Variants in PLAGL2 observed in about 807,000 individuals in gnomAD.
The protein encoded by PLAGL2 is PLAG1 like zinc finger 2.
PLAGL2 carries 7 observed loss-of-function variants against 29.0 expected under a neutral mutation model. That is an observed-to-expected ratio of 0.24 (90% CI 0.14 to 0.45). The LOEUF (loss-of-function observed/expected upper bound fraction) is 0.45, where lower values mean the gene tolerates loss of function less well. Among genes scored for constraint, PLAGL2 ranks in the 20% least tolerant of loss-of-function variants. The pLI, the probability that PLAGL2 is intolerant of heterozygous loss-of-function variation, is 0.99. For synonymous variants in PLAGL2, 234 were observed against 266.0 expected (o/e 0.88, Z 1.17); for missense variants, 454 against 648.2 (o/e 0.70, Z 3.25).
chr20:32,197,765 T>A lies in PLAGL2; in HGVS notation c.261-83A>T. ...TGACTGGACAACCAAAGGTGTCCAT[T>A]AACAGGAAACTAGATATAAAAACCA... On this transcript the variant is annotated intron_variant, in intron 2 of 2. Transcript: ENST00000246229. This position sits in a 1 kb window ranked among gnomAD's most constrained non-coding sequence, Gnocchi z 6.6. 1 of 1,156,550 alleles carries A rather than the reference T, an allele frequency of 8.6e-7. No individual in the cohort carries two copies. Among genetic ancestry groups the A allele is most frequent in the Non-Finnish European group, 1.2e-6 (1 of 804,294 alleles). 71.6% of individuals were successfully genotyped at this position (1,156,550 alleles called of 1,614,324 possible).
chr20:32,197,354 C>T lies in PLAGL2; in HGVS notation c.589G>A (p.Asp197Asn), dbSNP rs1377540386. The T allele has an allele frequency of 1.9e-6, 3 of 1,604,930 alleles. No individual in the cohort carries two copies. The highest frequency in any genetic ancestry group is 1.3e-5 in the African/African-American group (1 of 74,752). ...KEKKHPCDHCDRRFYTRKDVR... is the reference protein window; with the variant it reads ...KEKKHPCDHCNRRFYTRKDVR... ...TCCTTACGAGTATAGAACCGCCGGT[C>T]GCAGTGGTCACAGGGGTGCTTCTTC... is the stretch of plus-strand genomic sequence containing the variant. The change falls in exon 3 of 3, where the codon GAC becomes AAC. Residue 197 changes from aspartate to asparagine, a missense_variant. Physicochemically the swap from Asp to Asn is conservative, Grantham distance 23. This residue lies in a region of PLAGL2 where 111 missense variants were observed against 173.1 expected (regional missense o/e 0.64). Coordinates refer to ENST00000246229, the MANE Select transcript of PLAGL2 (RefSeq NM_002657.3). This position sits in a 1 kb window ranked among gnomAD's most constrained non-coding sequence, Gnocchi z 6.6.
Position 32,196,868 on chromosome 20 carries a change from C to A in PLAGL2, c.1075G>T (p.Val359Leu). The A allele has an allele frequency of 6.2e-7, 1 of 1,614,218 alleles. No individual in the cohort carries two copies. The change falls in exon 3 of 3, where the codon GTG (valine) becomes TTG (leucine). Residue 359 changes from valine (V) to leucine (L), a missense_variant. Coordinates refer to ENST00000246229, the MANE Select transcript of PLAGL2 (RefSeq NM_002657.3). ...YLPDKLPKVE[V>L]DSFLAELPGS... is the part of the protein sequence containing the mutation. ...GGAAGCTCCGCCAGAAAACTATCCACCTCCACTTTGGGCAATTTGTCGGGC... is the reference window on the plus strand; with the variant it reads ...GGAAGCTCCGCCAGAAAACTATCCAACTCCACTTTGGGCAATTTGTCGGGC...
chr20:32,207,077 T>C (rs1237286588), intron 1 of PLAGL2, among the ~76,000 whole-genome samples: 1 of 152,122 alleles, frequency 6.6e-6, no homozygotes, highest in Non-Finnish European at 1.5e-5. Flanking sequence ...GTCGAAAGCC[T>C]GGGAGTATGG....
At position 32,196,769 on chromosome 20, in the gene PLAGL2, C is replaced by A; in HGVS notation, c.1174G>T (p.Asp392Tyr). 1 of 1,604,674 alleles carries A rather than the reference C, an allele frequency of 6.2e-7. No homozygotes were observed. Among genetic ancestry groups the A allele is most frequent in the Non-Finnish European group, 8.5e-7 (1 of 1,174,880 alleles). ...GGGCTCTTGGCAAGCAGTGCTTCAT[C>A]TAGGAGGGCCGCAGCTGCCGCCGGC... ...PQPAAAAALL[D>Y]EALLAKSPAN... The change falls in exon 3 of 3, where the codon GAT becomes TAT. Residue 392 changes from aspartate to tyrosine, a missense_variant. Around this residue, in one of 4 missense-constraint regions of PLAGL2, gnomAD observed 247 missense variants for 350.3 expected, o/e 0.71. Transcript: ENST00000246229.
intron 2 of PLAGL2, among the ~76,000 whole-genome samples, chr20:32,199,027 A>G (rs1243017974): frequency 2.0e-5 from 3 of 152,222 alleles, no homozygotes; most frequent in African/African-American, 7.2e-5. Context: ...GCTCCAGAGC[A>G]TATTCAGAAT....
Position 32,197,452 on chromosome 20 carries a change from G to C in PLAGL2, c.491C>G (p.Thr164Ser). Residue 164 changes from threonine to serine, a missense_variant, in exon 3 of 3, where the codon ACC (threonine) becomes AGC (serine). Around this residue, in one of 4 missense-constraint regions of PLAGL2, gnomAD observed 111 missense variants for 173.1 expected, o/e 0.64. Transcript: ENST00000246229. This position sits in a 1 kb window ranked among gnomAD's most constrained non-coding sequence, Gnocchi z 6.6. ...TAGCAGGGCCTGGGTACTCTCAAAGGTCTGCAGGCACACCTTGCAGCTGAG... is the reference window on the plus strand; with the variant it reads ...TAGCAGGGCCTGGGTACTCTCAAAGCTCTGCAGGCACACCTTGCAGCTGAG... ...GDLSCKVCLQTFESTQALLEH... is the reference protein window; with the variant it reads ...GDLSCKVCLQSFESTQALLEH... The C allele has an allele frequency of 3.1e-6, 5 of 1,612,966 alleles. No homozygotes were observed. Among genetic ancestry groups the C allele is most frequent in the Non-Finnish European group, 4.2e-6 (5 of 1,180,012 alleles).
intron 1 of PLAGL2, among the ~76,000 whole-genome samples, 179 bp from the exon 2 acceptor site, chr20:32,202,471 A>T (rs2047265038): frequency 6.6e-6 from 1 of 152,226 alleles, no homozygotes; most frequent in African/African-American, 2.4e-5. Flanking sequence ...TAATCTCCTA[A>T]ATTATAAAAA....
intron 2 of PLAGL2, 117 bp downstream of exon 2, chr20:32,201,802 A>G: frequency 1.3e-6 from 1 of 786,138 alleles, no homozygotes; most frequent in South Asian, 1.8e-5. Context: ...GTATACTTGT[A>G]GGACAAATTA....
intron 2 of PLAGL2, among the ~76,000 whole-genome samples, chr20:32,201,054 G>A (rs2047256881): frequency 6.6e-6 from 1 of 152,196 alleles, no homozygotes; most frequent in Non-Finnish European, 1.5e-5. Context: ...GGGCAACAGG[G>A]AGACAGACAT....
Position 32,197,669 on chromosome 20 carries a change from G to T in PLAGL2, c.274C>A (p.His92Asn). Residue 92 changes from histidine to asparagine, a missense_variant, in exon 3 of 3, where the codon CAC (histidine) becomes AAC (asparagine). By Grantham distance (68) the His-to-Asn change is moderately conservative. Around this residue, in one of 4 missense-constraint regions of PLAGL2, gnomAD observed 111 missense variants for 173.1 expected, o/e 0.64. Coordinates refer to ENST00000246229, the MANE Select transcript of PLAGL2 (RefSeq NM_002657.3). The surrounding 1 kb of genome is among the most constrained non-coding windows in gnomAD (Gnocchi z 6.6). ...KYKLYRHMAT[H>N]SAQKPHQCMY... is the part of the protein sequence containing the mutation. ...CACTGGTGGGGTTTCTGGGCTGAGT[G>T]GGTGGCCATGTGCCTGGGGGTAGAG... 1 of 1,613,392 alleles carries T rather than the reference G, an allele frequency of 6.2e-7. No individual in the cohort carries two copies. The highest frequency in any genetic ancestry group is 8.5e-7 in the Non-Finnish European group (1 of 1,179,370).
Position 32,197,415 on chromosome 20 carries a change from C to T in PLAGL2, c.528G>A (p.Lys176=). 6.2e-7 allele frequency: 1 copy of T among 1,612,324 alleles called. No individual in the cohort carries two copies. The highest frequency in any genetic ancestry group is 8.5e-7 in the Non-Finnish European group (1 of 1,179,910). The stretch of plus-strand genomic sequence containing the variant: ...CGCCTGCTACCCGGCGTGAGTGGGC[C>T]TTCAGGTGCTCTAGCAGGGCCTGGG... ...ESTQALLEHL[K]AHSRRVAGGA... Residue 176 remains lysine (K), a synonymous_variant, in exon 3 of 3, where the codon AAG becomes AAA. Coordinates refer to ENST00000246229, the MANE Select transcript of PLAGL2 (RefSeq NM_002657.3). The surrounding 1 kb of genome is among the most constrained non-coding windows in gnomAD (Gnocchi z 6.6).
rs2047227739 is a variant in PLAGL2 at position 32,196,340 on chromosome 20, T to G, written c.*112A>C. 1 of 789,714 alleles carries G rather than the reference T, an allele frequency of 1.3e-6. No individual in the cohort carries two copies. The highest frequency in any genetic ancestry group is 1.9e-6 in the Non-Finnish European group (1 of 539,592). 48.9% of individuals were successfully genotyped at this position (789,714 alleles called of 1,614,324 possible). A position where few individuals can be genotyped will look rare whatever the true frequency, so the allele number is the denominator to read the frequency against. ...TCCTGTATACAGACACTGGAATTTTTTTTTTTGAACCCAGCTCTGAAAGCT... is the reference window on the plus strand; with the variant it reads ...TCCTGTATACAGACACTGGAATTTTGTTTTTTGAACCCAGCTCTGAAAGCT... On this transcript the variant is annotated 3_prime_UTR_variant, in exon 3 of 3. Transcript: ENST00000246229.
rs1313662997 is a variant in PLAGL2 at position 32,196,856 on chromosome 20, G to A, written c.1087C>T (p.Leu363=). Residue 363 remains leucine, a synonymous_variant, in exon 3 of 3, where the codon CTG becomes TTG. Coordinates refer to ENST00000246229, the MANE Select transcript of PLAGL2 (RefSeq NM_002657.3). ...GACAGGCTTCCAGGAAGCTCCGCCA[G>A]AAAACTATCCACCTCCACTTTGGGC... ...KLPKVEVDSF[L]AELPGSLSLS... 6.2e-7 allele frequency: 1 copy of A among 1,614,140 alleles called. No individual in the cohort carries two copies. Among genetic ancestry groups the A allele is most frequent in the East Asian group, 2.2e-5 (1 of 44,884 alleles).
In PLAGL2 at chr20:32,197,579, G is replaced by A. The variant is rs1443944960; in HGVS notation, c.364C>T (p.Pro122Ser). 11 of 1,614,060 alleles carry A rather than the reference G, an allele frequency of 6.8e-6. No individual in the cohort carries two copies. Among genetic ancestry groups the A allele is most frequent in the Middle Eastern group, 1.6e-4 (1 of 6,084 alleles). ...HLRNHLQTHD[P>S]NKEALHCSEC... ...GAGCAGTGGAGGGCCTCTTTGTTAG[G>A]ATCATGGGTCTGCAGATGGTTCCGC... Residue 122 changes from proline to serine, a missense_variant, in exon 3 of 3, where the codon CCT becomes TCT. Coordinates refer to ENST00000246229, the MANE Select transcript of PLAGL2 (RefSeq NM_002657.3). The surrounding 1 kb of genome is among the most constrained non-coding windows in gnomAD (Gnocchi z 6.6).
rs201010184 is a variant in PLAGL2, at chr20:32,197,529, C to T, written c.414G>A (p.Thr138=). The T allele has an allele frequency of 5.6e-6, 9 of 1,614,200 alleles. No homozygotes were observed. Among genetic ancestry groups the T allele is most frequent in the Middle Eastern group, 1.7e-4 (1 of 6,048 alleles). ...CCAGGTGGCGCCGGTAGCCCAGCTT[C>T]GTATTGTAATTCTTACCGCACTCAG... The part of the protein sequence containing the change: ...HCSECGKNYN[T]KLGYRRHLAM... Residue 138 remains threonine, a synonymous_variant, in exon 3 of 3, where the codon ACG becomes ACA. Transcript: ENST00000246229. The surrounding 1 kb of genome is among the most constrained non-coding windows in gnomAD (Gnocchi z 6.6).
intron 1 of PLAGL2, 42 bp from the exon 2 acceptor site, chr20:32,202,334 T>G: frequency 3.0e-6 from 2 of 670,256 alleles, no homozygotes; most frequent in Non-Finnish European, 5.1e-6. Flanking sequence ...CCCAATACCA[T>G]GAGAACATGG....
At chr20:32,199,413 G>C (rs2047247377) in intron 2 of PLAGL2, among the ~76,000 whole-genome samples, 1 of 152,206 alleles carries the variant, frequency 6.6e-6, no homozygotes, top group Non-Finnish European at 1.5e-5. Flanking sequence ...TGAGGAAACT[G>C]AGGCCCAAAG....
At chr20:32,205,024 T>C (rs1278355748) in intron 1 of PLAGL2, among the ~76,000 whole-genome samples, 5 of 152,220 alleles carry the variant, frequency 3.3e-5, no homozygotes, top group African/African-American at 9.6e-5. Context: ...TGGGAAACCA[T>C]AGGCAGGTTA....
At chr20:32,200,440 G>A (rs550134769) in intron 2 of PLAGL2, among the ~76,000 whole-genome samples, 28 of 151,628 alleles carry the variant, frequency 1.8e-4, no homozygotes, top group African/African-American at 5.8e-4. Flanking sequence ...GGGTTTCACC[G>A]TGGTCTCGAT....
Sources: gnomAD v4.1 joint callset for allele counts (sites outside exome capture counted in the v4.1 genomes callset) on GRCh38, gnomAD v4.1.1 for gene constraint, gnomAD v4.1.1 regional missense constraint, Gnocchi (gnomAD v3.1) non-coding constraint, MANE v1.5 for transcripts, NCBI Gene and HGNC (gene_info 2026-07-23, HGNC 2026-07-21) for gene names.